MRTFB: variants seen among roughly 807,000 people sequenced by gnomAD.
The protein encoded by MRTFB is myocardin-related transcription factor B.
MRTFB carries 29 observed loss-of-function variants against 104.2 expected under a neutral mutation model. The observed-to-expected ratio is 0.28, with a 90% confidence interval of 0.21 to 0.38. MRTFB has a LOEUF of 0.38. Ranked by LOEUF, MRTFB falls within the 10% of genes least tolerant of loss-of-function variation. The pLI is 1.00. For synonymous variants in MRTFB, 535 were observed against 519.5 expected, an observed-to-expected ratio of 1.03 and a Z score of -0.41; for missense variants, 1,270 against 1,341.6, an observed-to-expected ratio of 0.95 and a Z score of 0.83.
chr16:14,114,441 C>A (rs2036431492), intron 2 of MRTFB, among the ~76,000 whole-genome samples: 1 of 152,188 alleles, frequency 6.6e-6, no homozygotes, highest in Non-Finnish European at 1.5e-5. Context: ...TCAATTCCCA[C>A]ATTTATTCTA....
intron 1 of MRTFB, among the ~76,000 whole-genome samples, chr16:14,075,556 T>C (rs1374295053): frequency 6.6e-6 from 1 of 152,212 alleles, no homozygotes; most frequent in Non-Finnish European, 1.5e-5. Flanking sequence ...TCTGATTCAG[T>C]AGGTCTGGGC....
rs773221277 is a variant in MRTFB at position 14,177,935 on chromosome 16, T to TGC, written c.155-32307_155-32306dup. ...GTGTGTGTGTGTGTGTGTGTGTGTGTGCACGCATTGGTGGGTGTTTAGAGT... is the reference window on the plus strand; with the variant it reads ...GTGTGTGTGTGTGTGTGTGTGTGTGTGCGCACGCATTGGTGGGTGTTTAGAGT... On this transcript the variant is annotated intron_variant, in intron 3 of 16. Transcript: ENST00000571589. This position sits in a 1 kb window ranked among gnomAD's most constrained non-coding sequence, Gnocchi z 4.7. Among the ~76,000 whole-genome samples the TGC allele has an allele frequency of 1.3e-5, 2 of 149,610 alleles. No individual in the cohort carries two copies. The highest frequency in any genetic ancestry group is 5.0e-5 in the African/African-American group (2 of 39,800).
intron 2 of MRTFB, among the ~76,000 whole-genome samples, chr16:14,120,774 A>G (rs374801335): frequency 6.6e-6 from 1 of 152,154 alleles, no homozygotes; most frequent in East Asian, 1.9e-4. Context: ...GGGGGATAGA[A>G]TAGTGGGTGG....
intron 2 of MRTFB, among the ~76,000 whole-genome samples, chr16:14,106,502 C>T (rs190779108): frequency 4.9e-4 from 75 of 152,238 alleles, no homozygotes; most frequent in South Asian, 1.0e-3. Flanking sequence ...GAATCAGCTA[C>T]GCCACTTGAC....
At chr16:14,052,504 C>T in the MRTFB span, among the ~76,000 whole-genome samples, 11 of 152,036 alleles carry the variant, frequency 7.2e-5, no homozygotes, top group South Asian at 2.1e-4. Context: ...TTTGGGAGGC[C>T]GAGGCAAGCG....
At chr16:14,194,851 T>G (rs1007954539) in intron 3 of MRTFB, among the ~76,000 whole-genome samples, 1 of 152,136 alleles carries the variant, frequency 6.6e-6, no homozygotes, top group Non-Finnish European at 1.5e-5. Context: ...AGGGTTGTTA[T>G]GAGGATTAGA....
At chr16:14,256,800 A>T (rs919251333) in intron 15 of MRTFB, among the ~76,000 whole-genome samples, 2 of 152,258 alleles carry the variant, frequency 1.3e-5, no homozygotes, top group Non-Finnish European at 2.9e-5. Flanking sequence ...AATTTATAAT[A>T]TATCAATAGG....
At chr16:14,217,467 C>T (rs991069472) in intron 7 of MRTFB, among the ~76,000 whole-genome samples, 180 bp downstream of exon 7, 3 of 152,080 alleles carry the variant, frequency 2.0e-5, no homozygotes, top group Non-Finnish European at 2.9e-5. Flanking sequence ...TAGTATCTGC[C>T]GCTGATTAAC....
Position 14,261,281 on chromosome 16 carries a change from G to A in MRTFB, c.3137G>A (p.Cys1046Tyr), listed in dbSNP as rs1271490911. 3 of 1,614,120 alleles carry A rather than the reference G, an allele frequency of 1.9e-6. No individual in the cohort carries two copies. The highest frequency in any genetic ancestry group is 2.2e-5 in the South Asian group (2 of 91,060). The change falls in exon 17 of 17, where the codon TGT becomes TAT. Residue 1046 changes from cysteine (C) to tyrosine (Y), a missense_variant. By Grantham distance (194) the Cys-to-Tyr change is radical (BLOSUM62 -2). Transcript: ENST00000571589. ...ACCCAGTTTGCTGCAGGTACTCCCT[G>A]TCTGTCTCTCGACCTGTCAGACTCA... ...SETQFAAGTP[C>Y]LSLDLSDSNL...
the MRTFB span, among the ~76,000 whole-genome samples, chr16:14,034,536 C>A: frequency 6.6e-6 from 1 of 151,640 alleles, no homozygotes; most frequent in Non-Finnish European, 1.5e-5. Flanking sequence ...ATCACTTGAA[C>A]CCAGGAGGCA....
intron 3 of MRTFB, among the ~76,000 whole-genome samples, chr16:14,205,135 T>C (rs918023177): frequency 6.6e-6 from 1 of 152,236 alleles, no homozygotes; most frequent in Admixed American, 6.5e-5. Flanking sequence ...AAATACATGG[T>C]AACTCTAGTT....
In MRTFB at chr16:14,096,520, GAAGTACTATTGCAGGGGAGAA is replaced by G. The variant is rs375447614; in HGVS notation, c.-64+17170_-64+17190del. On this transcript the variant is annotated intron_variant, in intron 2 of 16. Transcript: ENST00000571589. ...TCTTTTAGAGAAAAAGTCTAAAAAA[GAAGTACTATTGCAGGGGAGAA>G]AAGATAATAAAAGGTTTTCAAATGG... Among the ~76,000 whole-genome samples, 434 of 152,318 alleles carry G rather than the reference GAAGTACTATTGCAGGGGAGAA, an allele frequency of 2.8e-3. 1 individual carries two copies. The highest frequency in any genetic ancestry group is 9.6e-3 in the African/African-American group (398 of 41,572).
At chr16:14,002,846 A>G in the MRTFB span, among the ~76,000 whole-genome samples, 1 of 152,208 alleles carries the variant, frequency 6.6e-6, no homozygotes, top group Non-Finnish European at 1.5e-5. Context: ...TCTGAGCCAG[A>G]GAAAATCAAA....
chr16:14,121,120 G>T (rs570858461), intron 2 of MRTFB, among the ~76,000 whole-genome samples: 2 of 151,640 alleles, frequency 1.3e-5, no homozygotes, highest in East Asian at 1.9e-4. Flanking sequence ...ACTGGTTATT[G>T]TGAGTGTTCT....
At chr16:14,158,193 A>G (rs968618564) in intron 3 of MRTFB, among the ~76,000 whole-genome samples, 1 of 152,222 alleles carries the variant, frequency 6.6e-6, no homozygotes, top group Non-Finnish European at 1.5e-5. Flanking sequence ...AATGTAACCA[A>G]TCAACACATA....
chr16:14,063,598 A>G, the MRTFB span, among the ~76,000 whole-genome samples: 1 of 152,178 alleles, frequency 6.6e-6, no homozygotes, highest in Non-Finnish European at 1.5e-5. Flanking sequence ...AAGTTAGAAC[A>G]TGTGATGTTT....
At chr16:14,241,786 G>A (rs2042777224) in intron 10 of MRTFB, among the ~76,000 whole-genome samples, 2 of 151,998 alleles carry the variant, frequency 1.3e-5, no homozygotes, top group Non-Finnish European at 2.9e-5. Flanking sequence ...AAAGAACTTT[G>A]TATCCAGTTA....
chr16:14,070,939 G>A (rs118049821), upstream of MRTFB, among the ~76,000 whole-genome samples: 1,284 of 152,364 alleles, frequency 8.4e-3, 3 homozygotes, highest in Middle Eastern at 0.027. Context: ...TTGGAGGGCA[G>A]TGTGAGGACC....
chr16:14,138,694 C>T (rs1418382642), intron 2 of MRTFB, among the ~76,000 whole-genome samples: 1 of 152,184 alleles, frequency 6.6e-6, no homozygotes, highest in East Asian at 1.9e-4. Context: ...ACTTGGAGCA[C>T]AGTGCATACA....
Sources: allele counts gnomAD v4.1 joint callset (sites outside exome capture counted in the v4.1 genomes callset), GRCh38; gene constraint gnomAD v4.1.1; non-coding constraint Gnocchi (gnomAD v3.1); transcripts MANE v1.5; gene names NCBI Gene and HGNC (gene_info 2026-07-23, HGNC 2026-07-21).